The following SCAPER variants were observed in gnomAD, a reference collection of about 807,000 sequenced individuals.
The protein encoded by SCAPER is S phase cyclin A-associated protein in the endoplasmic reticulum.
A neutral mutation model predicts 182.2 loss-of-function variants in SCAPER; 98 were observed. The observed-to-expected ratio is 0.54, with a 90% CI of 0.46 to 0.64. SCAPER has a LOEUF of 0.64. Among genes scored for constraint, SCAPER ranks in the 30% least tolerant of loss-of-function variants. The pLI is 0.00. For synonymous variants in SCAPER, 605 were observed against 564.6 expected (o/e 1.07, Z -1.01); for missense variants, 1,432 against 1,690.0 (o/e 0.85, Z 2.68).
At position 76,478,284 on chromosome 15, in the gene SCAPER, G is replaced by C. The variant is rs8033284; in HGVS notation, c.2955-6949C>G. Reference sequence around the variant, plus strand: ...TCATCTTTTAAAAATAACTTACTAAGATTATCTCATTATAAATATGACAAA... The same window carrying C: ...TCATCTTTTAAAAATAACTTACTAACATTATCTCATTATAAATATGACAAA... On this transcript the variant is annotated intron_variant, in intron 24 of 31. Transcript: ENST00000563290. Among the ~76,000 whole-genome samples the C allele has an allele frequency of 8.2e-3, 1,244 of 151,944 alleles. 12 individuals carry two copies. Among genetic ancestry groups the C allele is most frequent in the African/African-American group, 0.028 (1,180 of 41,474 alleles).
At chr15:76,425,348 C>G (rs768306240) in intron 26 of SCAPER, among the ~76,000 whole-genome samples, 1 of 152,144 alleles carries the variant, frequency 6.6e-6, no homozygotes. Context: ...CTTCTCTTCT[C>G]GCTTCATTTC....
At chr15:76,812,547 G>A (rs999779984) in intron 5 of SCAPER, among the ~76,000 whole-genome samples, 1 of 150,340 alleles carries the variant, frequency 6.7e-6, no homozygotes, top group Non-Finnish European at 1.5e-5. Context: ...AGAGTTGGTT[G>A]TATTTTTTAA....
At chr15:76,428,884 A>ATATATATATATATATATG (rs1847026092) in intron 26 of SCAPER, among the ~76,000 whole-genome samples, 2 of 136,722 alleles carry the variant, frequency 1.5e-5, no homozygotes, top group African/African-American at 5.5e-5. Flanking sequence ...ATATATATAT[A>ATATATATATATATATATG]TATATATATA....
chr15:76,563,403 C>T (rs946821814), intron 23 of SCAPER, among the ~76,000 whole-genome samples: 1 of 152,078 alleles, frequency 6.6e-6, no homozygotes, highest in Non-Finnish European at 1.5e-5. Context: ...CCTCTATGCA[C>T]ATAAACTAGA....
chr15:76,901,513 T>C (rs936547745), intron 1 of SCAPER, among the ~76,000 whole-genome samples: 12 of 152,242 alleles, frequency 7.9e-5, no homozygotes, highest in African/African-American at 2.9e-4. Context: ...AGGTAACTTT[T>C]ATGAAATAAT....
intron 21 of SCAPER, among the ~76,000 whole-genome samples, chr15:76,633,675 G>A (rs2053349380): frequency 6.6e-6 from 1 of 152,164 alleles, no homozygotes; most frequent in Non-Finnish European, 1.5e-5. Flanking sequence ...AGTGGATTGG[G>A]GTCCTGCTTA....
chr15:76,423,556 T>G (rs1477797683), intron 26 of SCAPER, among the ~76,000 whole-genome samples: 3 of 152,182 alleles, frequency 2.0e-5, no homozygotes, highest in African/African-American at 7.2e-5. Context: ...TTTGTTGATC[T>G]TTTCAAAAAA....
chr15:76,415,811 T>C (rs984402732), intron 26 of SCAPER, among the ~76,000 whole-genome samples: 1 of 152,124 alleles, frequency 6.6e-6, no homozygotes, highest in African/African-American at 2.4e-5. Context: ...GGGGAGGCAG[T>C]TGTATCTGCA....
intron 22 of SCAPER, among the ~76,000 whole-genome samples, chr15:76,619,254 A>T (rs909289604): frequency 1.3e-5 from 2 of 152,232 alleles, no homozygotes; most frequent in South Asian, 4.1e-4. Flanking sequence ...TAATTATTTC[A>T]GTATTTATCC....
chr15:76,746,039 A>T (rs1054674394), intron 15 of SCAPER, among the ~76,000 whole-genome samples: 1 of 152,256 alleles, frequency 6.6e-6, no homozygotes, highest in Non-Finnish European at 1.5e-5. Flanking sequence ...ACAAATATAC[A>T]AAATATCTAA....
Position 76,354,203 on chromosome 15 carries a change from GCA to G in SCAPER, c.3856-65_3856-64del. On this transcript the variant is annotated intron_variant, in intron 29 of 31. Transcript: ENST00000563290. The surrounding 1 kb of genome is among the most constrained non-coding windows in gnomAD (Gnocchi z 4.4). ...GCCCCAGCCTGTCCCTCACCCACCT[GCA>G]CAGTGTCGGCTAGTACCATGGAAAA... 1 of 1,485,614 alleles carries G rather than the reference GCA, an allele frequency of 6.7e-7. No homozygotes were observed. The highest frequency in any genetic ancestry group is 1.3e-5 in the South Asian group (1 of 77,986). 92.0% of individuals were successfully genotyped at this position (1,485,614 alleles called of 1,614,324 possible). A position where few individuals can be genotyped will look rare whatever the true frequency, so the allele number is the denominator to read the frequency against.
At chr15:76,843,396 G>A (rs2151786459) in intron 4 of SCAPER, among the ~76,000 whole-genome samples, 1 of 152,228 alleles carries the variant, frequency 6.6e-6, no homozygotes, top group Admixed American at 6.5e-5. Context: ...CTATTTTGTA[G>A]ATGACAAAAC....
chr15:76,827,684 A>G (rs2068124900), intron 5 of SCAPER, among the ~76,000 whole-genome samples: 1 of 152,196 alleles, frequency 6.6e-6, no homozygotes, highest in African/African-American at 2.4e-5. Flanking sequence ...AAAAAATGCA[A>G]AAGATGAATG....
chr15:76,511,512 AAG>A (rs2042022671), intron 23 of SCAPER, among the ~76,000 whole-genome samples: 1 of 152,150 alleles, frequency 6.6e-6, no homozygotes, highest in South Asian at 2.1e-4. Context: ...AGTCTACAGA[AAG>A]AGATTCACGG....
chr15:76,490,178 G>C (rs1206601975), intron 24 of SCAPER, among the ~76,000 whole-genome samples: 1 of 152,132 alleles, frequency 6.6e-6, no homozygotes, highest in East Asian at 1.9e-4. Context: ...GAGAATGCTG[G>C]GTCATACAGT....
chr15:76,561,943 C>T (rs1012835039), intron 23 of SCAPER, among the ~76,000 whole-genome samples: 1 of 150,928 alleles, frequency 6.6e-6, no homozygotes, highest in Non-Finnish European at 1.5e-5. Context: ...GTCAGGAGTT[C>T]GAAACCCACC....
At position 76,768,707 on chromosome 15, in the gene SCAPER, G is replaced by C. The variant is rs1348467374; in HGVS notation, c.1249-1619C>G. 2.0e-5 allele frequency among the ~76,000 whole-genome samples: 3 copies of C among 151,998 alleles called. No individual in the cohort carries two copies. The East Asian group carries it at 5.8e-4, about 29-fold the overall frequency. ...TCGTTAGAAAAGAAATAGATCCACA[G>C]TTACAGTCAGTGATTTCAGTACCCC... On this transcript the variant is annotated intron_variant, in intron 10 of 31. Coordinates refer to ENST00000563290, the MANE Select transcript of SCAPER (RefSeq NM_020843.4).
intron 24 of SCAPER, among the ~76,000 whole-genome samples, chr15:76,485,969 A>T (rs548442984): frequency 6.5e-4 from 99 of 152,258 alleles, no homozygotes; most frequent in Admixed American, 6.5e-4. Flanking sequence ...GTCCTTTGGG[A>T]GGCCGAGGTG....
At chr15:76,476,422 T>C (rs2050634957) in intron 24 of SCAPER, among the ~76,000 whole-genome samples, 1 of 151,772 alleles carries the variant, frequency 6.6e-6, no homozygotes, top group South Asian at 2.1e-4. Flanking sequence ...CTTTCCTTTC[T>C]TTTCTTTCTT....
Sources: allele counts gnomAD v4.1 joint callset (sites outside exome capture counted in the v4.1 genomes callset), GRCh38; gene constraint gnomAD v4.1.1; non-coding constraint Gnocchi (gnomAD v3.1); transcripts MANE v1.5; gene names NCBI Gene and HGNC (gene_info 2026-07-23, HGNC 2026-07-21).